The following CTBP2 variants were observed in gnomAD, a reference collection of about 807,000 sequenced individuals.
The protein encoded by CTBP2 is C-terminal binding protein 2, also known as C-terminal-binding protein 2.
A neutral mutation model predicts 80.3 loss-of-function variants in CTBP2; 30 were observed. The observed-to-expected ratio is 0.37, with a 90% CI of 0.28 to 0.51. CTBP2 has a LOEUF of 0.51. Ranked by LOEUF, CTBP2 falls within the 20% of genes least tolerant of loss-of-function variation. The probability of loss-of-function intolerance (pLI) is 0.93; values close to 1 mark genes in which losing one functional copy is unlikely to be tolerated. For synonymous variants in CTBP2, 594 were observed against 587.4 expected (o/e 1.01, Z -0.16); for missense variants, 1,212 against 1,375.3 (o/e 0.88, Z 1.88).
At chr10:125,098,700 G>GAGAGAGACAGAGAGAGAGAGAGAGAGAC (rs1850037158) in intron 2 of CTBP2, among the ~76,000 whole-genome samples, 1 of 84,862 alleles carries the variant, frequency 1.2e-5, no homozygotes, top group Admixed American at 1.4e-4. Flanking sequence ...GAGAGAGAGA[G>GAGAGAGACAGAGAGAGAGAGAGAGAGAC]AGAGAGACAG....
intron 3 of CTBP2, 66 bp from the exon 6 acceptor site, chr10:124,998,236 TC>T: frequency 6.6e-7 from 1 of 1,524,648 alleles, no homozygotes; most frequent in African/African-American, 1.4e-5. Context: ...GCCCCAGGGC[TC>T]CCAGCCCGCC....
chr10:125,034,145 A>C (rs1283769645), intron 3 of CTBP2, among the ~76,000 whole-genome samples: 1 of 152,220 alleles, frequency 6.6e-6, no homozygotes, highest in Non-Finnish European at 1.5e-5. Flanking sequence ...GTGCTTGAGA[A>C]ATGAGTAACA....
At chr10:125,111,455 C>G (rs1426045327) in intron 1 of CTBP2, among the ~76,000 whole-genome samples, 1 of 152,330 alleles carries the variant, frequency 6.6e-6, no homozygotes, top group East Asian at 1.9e-4. Flanking sequence ...GTATTACCAA[C>G]TGTTTTGAGA....
At chr10:125,005,755 C>T (rs1955157635) in intron 1 of CTBP2, 1 of 1,612,790 alleles carries the variant, frequency 6.2e-7, no homozygotes, top group Admixed American at 1.7e-5. Flanking sequence ...TCTTCTGGCC[C>T]CTACTTGAGG....
At chr10:125,011,212 G>A (rs1955855082) in intron 1 of CTBP2, among the ~76,000 whole-genome samples, 1 of 152,212 alleles carries the variant, frequency 6.6e-6, no homozygotes, top group Non-Finnish European at 1.5e-5. Flanking sequence ...CTACTCCTCG[G>A]CTTCTGAGTT....
intron 2 of CTBP2, among the ~76,000 whole-genome samples, chr10:125,073,626 A>G (rs1404985609): frequency 1.3e-5 from 2 of 152,244 alleles, no homozygotes; most frequent in African/African-American, 4.8e-5. Context: ...TGTACGTGGC[A>G]AACAATTTTT....
At chr10:125,083,628 C>A (rs553387712) in intron 2 of CTBP2, among the ~76,000 whole-genome samples, 2 of 151,096 alleles carry the variant, frequency 1.3e-5, no homozygotes, top group African/African-American at 4.8e-5. Flanking sequence ...AGGATACACT[C>A]GCTGTTGTTT....
At chr10:125,038,897 C>G in intron 3 of CTBP2, 100 bp downstream of exon 3, 1 of 1,192,546 alleles carries the variant, frequency 8.4e-7, no homozygotes, top group Non-Finnish European at 1.2e-6. Flanking sequence ...AGGAGGGACT[C>G]TGGCTTGGGG....
At chr10:125,129,836 A>AGCAACCTCT (rs1855858321) in intron 1 of CTBP2, among the ~76,000 whole-genome samples, 1 of 152,210 alleles carries the variant, frequency 6.6e-6, no homozygotes, top group African/African-American at 2.4e-5. Flanking sequence ...ACGACAGAGC[A>AGCAACCTCT]GCAACCTCTG....
chr10:125,152,444 G>C (rs1482006592), intron 1 of CTBP2, among the ~76,000 whole-genome samples: 5 of 152,198 alleles, frequency 3.3e-5, no homozygotes, highest in Admixed American at 6.5e-5. Context: ...GGTTCCAGGC[G>C]CCCCAGGCCC....
At chr10:125,115,954 C>T (rs1234020484) in intron 1 of CTBP2, among the ~76,000 whole-genome samples, 1 of 152,180 alleles carries the variant, frequency 6.6e-6, no homozygotes, top group Non-Finnish European at 1.5e-5. Context: ...CCACCACAAA[C>T]ATCCAGGCTT....
At chr10:125,005,598 AC>A (rs746553068) in intron 1 of CTBP2, 1 of 1,612,526 alleles carries the variant, frequency 6.2e-7, no homozygotes. Context: ...AAAGCTGGAT[AC>A]CCCCTCAGCT....
chr10:125,030,966 G>T (rs1346832910), upstream of CTBP2, among the ~76,000 whole-genome samples: 3 of 152,178 alleles, frequency 2.0e-5, no homozygotes, highest in Admixed American at 2.0e-4. Flanking sequence ...GCTCTTCAGC[G>T]CCTGCTGCAT....
chr10:125,138,471 A>C (rs772767345), intron 1 of CTBP2, among the ~76,000 whole-genome samples: 1 of 152,184 alleles, frequency 6.6e-6, no homozygotes, highest in Non-Finnish European at 1.5e-5. Context: ...TCGGCAGTTC[A>C]GAAACAGCGG....
chr10:125,158,474 T>C (rs1032313863), intron 1 of CTBP2, among the ~76,000 whole-genome samples: 2 of 152,218 alleles, frequency 1.3e-5, no homozygotes, highest in Non-Finnish European at 2.9e-5. Flanking sequence ...CCAACAGAAT[T>C]GCAAATAAGG....
chr10:125,005,931 G>C (rs1449287251), intron 1 of CTBP2: 1 of 1,503,402 alleles, frequency 6.7e-7, no homozygotes, highest in Non-Finnish European at 8.8e-7. Flanking sequence ...TTAAATGGTA[G>C]CCACACAGGA....
At chr10:125,022,355 G>C (rs1002017275) in intron 1 of CTBP2, among the ~76,000 whole-genome samples, 1 of 152,244 alleles carries the variant, frequency 6.6e-6, no homozygotes, top group Non-Finnish European at 1.5e-5. Context: ...CCCCAGACCA[G>C]AGAGCACCTA....
At chr10:125,120,845 T>C (rs1006627465) in intron 1 of CTBP2, among the ~76,000 whole-genome samples, 4 of 152,210 alleles carry the variant, frequency 2.6e-5, no homozygotes, top group African/African-American at 9.7e-5. Flanking sequence ...GCCCTGCCCA[T>C]GTCAACACTA....
intron 4 of CTBP2, chr10:124,997,623 G>C (rs921971499): frequency 6.1e-6 from 2 of 325,610 alleles, no homozygotes; most frequent in African/African-American, 2.1e-5. Flanking sequence ...GCTGCTTTAC[G>C]ACACACCTCC....
Sources: allele counts gnomAD v4.1 joint callset (sites outside exome capture counted in the v4.1 genomes callset), GRCh38; gene constraint gnomAD v4.1.1; transcripts MANE v1.5; gene names NCBI Gene and HGNC (gene_info 2026-07-23, HGNC 2026-07-21).